Variants in ANGPT1 observed in about 807,000 individuals in gnomAD.
ANGPT1 encodes angiopoietin-1.
In ANGPT1, 17 loss-of-function variants were observed where a neutral mutation model predicts 62.2. The observed-to-expected ratio is 0.27, with a 90% CI of 0.19 to 0.41. ANGPT1 has a LOEUF of 0.41. ANGPT1 is among the 10% of genes least tolerant of loss of function. The pLI, the probability that ANGPT1 is intolerant of heterozygous loss-of-function variation, is 1.00. For synonymous variants in ANGPT1, 199 were observed against 198.9 expected (o/e 1.00, Z 0.00); for missense variants, 478 against 594.9 (o/e 0.80, Z 2.04).
At chr8:107,356,629 A>G (rs113163159) in intron 1 of ANGPT1, among the ~76,000 whole-genome samples, 42 of 152,332 alleles carry the variant, frequency 2.8e-4, no homozygotes, top group African/African-American at 8.2e-4. Flanking sequence ...CTGAAAAAAT[A>G]CAGCCTGGAA....
intron 1 of ANGPT1, among the ~76,000 whole-genome samples, chr8:107,462,723 A>T (rs1812100469): frequency 6.6e-6 from 1 of 152,106 alleles, no homozygotes; most frequent in Non-Finnish European, 1.5e-5. Context: ...CAAAGTAAAA[A>T]CTTTTAAAAG....
chr8:107,461,909 T>C (rs908019043), intron 1 of ANGPT1, among the ~76,000 whole-genome samples: 2 of 152,174 alleles, frequency 1.3e-5, no homozygotes, highest in Non-Finnish European at 2.9e-5. Flanking sequence ...TTATTTCTTA[T>C]TGAAGAATAC....
intron 8 of ANGPT1, among the ~76,000 whole-genome samples, chr8:107,261,383 A>C (rs562194830): frequency 4.6e-5 from 7 of 152,150 alleles, no homozygotes; most frequent in Non-Finnish European, 1.0e-4. Flanking sequence ...GTTAAATATG[A>C]TGCCAAAAGG....
intron 1 of ANGPT1, among the ~76,000 whole-genome samples, chr8:107,420,581 G>T (rs1298516442): frequency 6.6e-6 from 1 of 152,078 alleles, no homozygotes; most frequent in Non-Finnish European, 1.5e-5. Flanking sequence ...CAATCAGACG[G>T]AGAAGAACAG....
At chr8:107,496,559 G>A (rs1813103143) in intron 1 of ANGPT1, among the ~76,000 whole-genome samples, 1 of 152,156 alleles carries the variant, frequency 6.6e-6, no homozygotes, top group African/African-American at 2.4e-5. Context: ...GCCCATATCT[G>A]CAGGTGCATG....
chr8:107,466,893 C>A lies in ANGPT1; in HGVS notation c.297+30369G>T, dbSNP rs73295705. 2.5e-3 allele frequency among the ~76,000 whole-genome samples: 383 copies of A among 152,048 alleles called. 2 individuals carry two copies. Among genetic ancestry groups the A allele is most frequent in the African/African-American group, 8.2e-3 (341 of 41,490 alleles). ...TGCCATTGCACTCCAGCCTGGGCAA[C>A]AAGCTCCATCTCAAAAAAAAAAATT... On this transcript the variant is annotated intron_variant, in intron 1 of 8. Transcript: ENST00000517746.
chr8:107,497,150 C>A, intron 1 of ANGPT1, 112 bp downstream of exon 1: 1 of 1,265,680 alleles, frequency 7.9e-7, no homozygotes, highest in Non-Finnish European at 1.1e-6. Flanking sequence ...AAACACTGCC[C>A]CCCTGGAGCA....
chr8:107,257,876 G>GTTTTTTTTTTTTT lies in ANGPT1; in HGVS notation c.1337-5862_1337-5861insAAAAAAAAAAAAA, dbSNP rs1371396961. Among the ~76,000 whole-genome samples, 231 of 85,000 alleles carry GTTTTTTTTTTTTT rather than the reference G, an allele frequency of 2.7e-3. 19 individuals carry two copies. The highest frequency in any genetic ancestry group is 7.9e-3 in the Middle Eastern group (1 of 126). 55.8% of individuals were successfully genotyped at this position (85,000 alleles called of 152,430 possible). A position where few individuals can be genotyped will look rare whatever the true frequency, so the allele number is the denominator to read the frequency against. On this transcript the variant is annotated intron_variant, in intron 8 of 8. Coordinates refer to ENST00000517746, the MANE Select transcript of ANGPT1 (RefSeq NM_001146.5). ...CTCTTCAGGCCAAGGACTTGTTTTT[G>GTTTTTTTTTTTTT]TTTCTTTTTTGTTTGTTTGTTTGTT...
chr8:107,387,564 T>A (rs1012088567), intron 1 of ANGPT1, among the ~76,000 whole-genome samples: 1 of 151,996 alleles, frequency 6.6e-6, no homozygotes, highest in African/African-American at 2.4e-5. Context: ...TAATAAATAG[T>A]ACGATAGCAC....
chr8:107,406,305 T>C (rs1005312174), intron 1 of ANGPT1, among the ~76,000 whole-genome samples: 3 of 151,952 alleles, frequency 2.0e-5, no homozygotes, highest in Non-Finnish European at 4.4e-5. Flanking sequence ...GTTTCTTTCA[T>C]TTTTTAACAT....
At chr8:107,259,296 C>T (rs933288378) in intron 8 of ANGPT1, among the ~76,000 whole-genome samples, 5 of 152,116 alleles carry the variant, frequency 3.3e-5, no homozygotes, top group Admixed American at 3.3e-4. Context: ...CAAGGTCATA[C>T]ACCAGTTGAA....
At chr8:107,252,623 G>A (rs946222028) in intron 8 of ANGPT1, among the ~76,000 whole-genome samples, 1 of 152,096 alleles carries the variant, frequency 6.6e-6, no homozygotes, top group African/African-American at 2.4e-5. Flanking sequence ...AGTAGAAAAA[G>A]TGTTCAGCAA....
At chr8:107,343,381 C>T (rs1006158998) in intron 2 of ANGPT1, among the ~76,000 whole-genome samples, 1 of 152,046 alleles carries the variant, frequency 6.6e-6, no homozygotes, top group South Asian at 2.1e-4. Context: ...TCAAGGCAGC[C>T]GTGCAACAGT....
At chr8:107,342,998 GCT>G (rs1815728044) in intron 2 of ANGPT1, among the ~76,000 whole-genome samples, 2 of 114,398 alleles carry the variant, frequency 1.7e-5, no homozygotes, top group African/African-American at 7.9e-5. Flanking sequence ...ACCATGCCTG[GCT>G]TTTTTTTTTT....
chr8:107,430,898 T>A (rs1486916354), intron 1 of ANGPT1, among the ~76,000 whole-genome samples: 1 of 152,248 alleles, frequency 6.6e-6, no homozygotes, highest in Non-Finnish European at 1.5e-5. Context: ...GATTAACTAT[T>A]CTCCTTGAGT....
chr8:107,391,663 T>C (rs577885618), intron 1 of ANGPT1, among the ~76,000 whole-genome samples: 3 of 152,206 alleles, frequency 2.0e-5, no homozygotes, highest in East Asian at 1.9e-4. Flanking sequence ...TAAGACTTTG[T>C]CTCAAAACAA....
chr8:107,303,367 A>G lies in ANGPT1; in HGVS notation c.809T>C (p.Val270Ala). Reference sequence around the variant, plus strand: ...CTCTCTTTTTCCTCCCTTTAGTAAAACTGCAAAAAAAAAAAAAAAGATTGC... The same window carrying G: ...CTCTCTTTTTCCTCCCTTTAGTAAAGCTGCAAAAAAAAAAAAAAAGATTGC... Reference protein sequence around the residue: ...NLVNLCTKEGVLLKGGKREEE... With the variant: ...NLVNLCTKEGALLKGGKREEE... The change falls in exon 5 of 9, where the codon GTT becomes GCT. Residue 270 changes from valine (V) to alanine (A), a missense_variant and splice_region_variant. Transcript: ENST00000517746. 6.4e-7 allele frequency: 1 copy of G among 1,558,258 alleles called. No homozygotes were observed. The highest frequency in any genetic ancestry group is 8.6e-7 in the Non-Finnish European group (1 of 1,160,278).
chr8:107,427,626 C>G (rs185380627), intron 1 of ANGPT1, among the ~76,000 whole-genome samples: 1 of 152,158 alleles, frequency 6.6e-6, no homozygotes, highest in African/African-American at 2.4e-5. Context: ...CTCCCTTTGT[C>G]CAAGTAAGAT....
chr8:107,362,509 A>T lies in ANGPT1; in HGVS notation c.298-15412T>A, dbSNP rs182909998. The stretch of plus-strand genomic sequence containing the variant: ...AGCCTTTTTTTCTGTCCTGATGTGC[A>T]TTCCCACCCAGGGCTGGCTGTTCTC... On this transcript the variant is annotated intron_variant, in intron 1 of 8. Transcript: ENST00000517746. Among the ~76,000 whole-genome samples, 33 of 152,258 alleles carry T rather than the reference A, an allele frequency of 2.2e-4. No homozygotes were observed. The East Asian group carries it at 5.4e-3, about 25-fold the overall frequency.
Sources: gnomAD v4.1 joint callset for allele counts (sites outside exome capture counted in the v4.1 genomes callset) on GRCh38, gnomAD v4.1.1 for gene constraint, MANE v1.5 for transcripts, NCBI Gene and HGNC (gene_info 2026-07-23, HGNC 2026-07-21) for gene names.